ANO1: variants seen among roughly 807,000 people sequenced by gnomAD.
ANO1 encodes the protein anoctamin 1.
Under a neutral mutation model 124.0 loss-of-function variants are expected in ANO1, and 59 were observed. That is an observed-to-expected ratio of 0.48 (90% CI 0.39 to 0.59). The LOEUF is 0.59. Among genes scored for constraint, ANO1 ranks in the 20% least tolerant of loss-of-function variants. The probability of loss-of-function intolerance (pLI) is 0.00; values close to 1 mark genes in which losing one functional copy is unlikely to be tolerated. For missense variants in ANO1, 1,059 were observed against 1,328.0 expected (o/e 0.80, Z 3.15); for synonymous variants, 529 against 532.0 (o/e 0.99, Z 0.08).
At chr11:70,154,475 T>TC (rs2047727420) in intron 14 of ANO1, among the ~76,000 whole-genome samples, 1 of 146,046 alleles carries the variant, frequency 6.8e-6, no homozygotes, top group Non-Finnish European at 1.5e-5. Context: ...TTTTTTTTTT[T>TC]TTTTTTTTTG....
At chr11:70,065,050 C>G (rs1359608606) in intron 1 of ANO1, 1 of 152,268 alleles carries the variant, frequency 6.6e-6, no homozygotes, top group African/African-American at 2.4e-5. Flanking sequence ...TGAGCCCAGC[C>G]AGGTACAGGG....
intron 2 of ANO1, among the ~76,000 whole-genome samples, chr11:70,101,683 C>T (rs993478243): frequency 2.0e-5 from 3 of 151,080 alleles, no homozygotes; most frequent in Non-Finnish European, 4.4e-5. Flanking sequence ...GTGTCAGACA[C>T]TCAAGGGGTC....
At chr11:69,966,506 G>A in the ANO1 span, among the ~76,000 whole-genome samples, 2 of 152,344 alleles carry the variant, frequency 1.3e-5, no homozygotes, top group South Asian at 2.1e-4. Flanking sequence ...GAGGTGCTGC[G>A]TCGCCGGGTG....
At chr11:69,996,100 C>G (rs1856266606) in intron 1 of ANO1, among the ~76,000 whole-genome samples, 1 of 152,122 alleles carries the variant, frequency 6.6e-6, no homozygotes, top group South Asian at 2.1e-4. Context: ...GACAGCAAGA[C>G]TTTGTCTCAA....
At chr11:70,159,074 G>A (rs1028514288) in intron 16 of ANO1, among the ~76,000 whole-genome samples, 1 of 152,202 alleles carries the variant, frequency 6.6e-6, no homozygotes, top group Non-Finnish European at 1.5e-5. Context: ...CCGGGAAGGA[G>A]GTGGCCGTCT....
chr11:70,020,831 C>CA (rs1856791934), intron 1 of ANO1: 1 of 152,288 alleles, frequency 6.6e-6, no homozygotes, highest in African/African-American at 2.4e-5. Context: ...AACGCATTCC[C>CA]ATTCTCCAAG....
chr11:70,164,645 T>C (rs979919491), intron 19 of ANO1, among the ~76,000 whole-genome samples: 1 of 152,184 alleles, frequency 6.6e-6, no homozygotes, highest in African/African-American at 2.4e-5. Flanking sequence ...TCCCTTTGCT[T>C]GGACAAGTTA....
At chr11:70,006,128 C>A (rs1856478212) in intron 1 of ANO1, among the ~76,000 whole-genome samples, 1 of 152,224 alleles carries the variant, frequency 6.6e-6, no homozygotes, top group African/African-American at 2.4e-5. Flanking sequence ...ACCTACCCAG[C>A]TGTCTTATGT....
At chr11:69,966,354 G>A in the ANO1 span, among the ~76,000 whole-genome samples, 15 of 152,174 alleles carry the variant, frequency 9.9e-5, no homozygotes, top group African/African-American at 2.9e-4. Context: ...AAGTGTCTAC[G>A]GGGTAATGAT....
chr11:70,152,606 G>A (rs2047650390), intron 13 of ANO1, 145 bp downstream of exon 13: 1 of 981,920 alleles, frequency 1.0e-6, no homozygotes, highest in South Asian at 1.4e-5. Flanking sequence ...CCCACCTCCG[G>A]TCTCTCCTAA....
chr11:70,100,024 C>T (rs1332506434), intron 2 of ANO1, among the ~76,000 whole-genome samples: 1 of 152,170 alleles, frequency 6.6e-6, no homozygotes, highest in Admixed American at 6.5e-5. Context: ...AAACCCACAC[C>T]TTATGTCCTT....
chr11:70,042,940 T>C (rs1857205919), intron 1 of ANO1, among the ~76,000 whole-genome samples: 1 of 152,164 alleles, frequency 6.6e-6, no homozygotes, highest in Admixed American at 6.5e-5. Flanking sequence ...CAACATAAAA[T>C]TTTAATGTCT....
In ANO1 at chr11:70,078,671, T is replaced by G. The variant is rs749584450; in HGVS notation, c.65T>G (p.Ile22Ser). The change falls in exon 1 of 26, where the codon ATC becomes AGC. Residue 22 changes from isoleucine (I) to serine (S), a missense_variant. Physicochemically the swap from Ile to Ser is moderately radical, Grantham distance 142. Around this residue, in one of 2 missense-constraint regions of ANO1, gnomAD observed 250 missense variants for 233.1 expected, o/e 1.07. Transcript: ENST00000355303. ...GACCGCAGCGTCCACATCATCAACA[T>G]CTGCGCCATCGAGGACATCGGCTAC... Reference protein sequence around the residue: ...AEDRSVHIINICAIEDIGYLP... With the variant: ...AEDRSVHIINSCAIEDIGYLP... 1 of 1,496,470 alleles carries G rather than the reference T, an allele frequency of 6.7e-7. No homozygotes were observed. Among genetic ancestry groups the G allele is most frequent in the Non-Finnish European group, 9.0e-7 (1 of 1,112,166 alleles). 92.7% of individuals were successfully genotyped at this position (1,496,470 alleles called of 1,614,324 possible). A position where few individuals can be genotyped will look rare whatever the true frequency, so the allele number is the denominator to read the frequency against.
At chr11:70,147,376 C>T (rs2135605465) in intron 11 of ANO1, among the ~76,000 whole-genome samples, 1 of 152,266 alleles carries the variant, frequency 6.6e-6, no homozygotes, top group Middle Eastern at 3.4e-3. Flanking sequence ...ACAGGCTGCT[C>T]CCACCGTCTG....
intron 1 of ANO1, among the ~76,000 whole-genome samples, chr11:70,010,179 G>GTATGTGTGTGTCTATATATATATATATA (rs1188271051): frequency 1.2e-5 from 1 of 83,776 alleles, no homozygotes; most frequent in Admixed American, 1.3e-4. Context: ...GTGTGTGTGT[G>GTATGTGTGTGTCTATATATATATATATA]TATATATATA....
At chr11:70,029,757 C>T (rs1375166101) in intron 1 of ANO1, among the ~76,000 whole-genome samples, 1 of 152,220 alleles carries the variant, frequency 6.6e-6, no homozygotes, top group African/African-American at 2.4e-5. Flanking sequence ...GCAGGCCACA[C>T]TCCCTCTAGA....
At chr11:70,174,189 C>T (rs2048589524) in intron 22 of ANO1, among the ~76,000 whole-genome samples, 1 of 151,672 alleles carries the variant, frequency 6.6e-6, no homozygotes, top group African/African-American at 2.4e-5. Context: ...CCACCCATCT[C>T]GGCCTCCCAA....
At chr11:69,979,801 C>T in the ANO1 span, among the ~76,000 whole-genome samples, 43 of 152,268 alleles carry the variant, frequency 2.8e-4, no homozygotes, top group South Asian at 7.9e-3. Flanking sequence ...AATTGCAACA[C>T]GTGGTGAGAA....
chr11:70,021,400 C>A (rs1262024237), intron 1 of ANO1, among the ~76,000 whole-genome samples: 3 of 151,994 alleles, frequency 2.0e-5, no homozygotes, highest in African/African-American at 4.8e-5. Flanking sequence ...TCACTCCCAC[C>A]CCTTCTTTTT....
Sources: gnomAD v4.1 joint callset for allele counts (sites outside exome capture counted in the v4.1 genomes callset) on GRCh38, gnomAD v4.1.1 for gene constraint, gnomAD v4.1.1 regional missense constraint, MANE v1.5 for transcripts, NCBI Gene and HGNC (gene_info 2026-07-23, HGNC 2026-07-21) for gene names.